The following OIP5 variants were observed in gnomAD, a reference collection of about 807,000 sequenced individuals.
OIP5 encodes the protein Opa interacting protein 5.
OIP5 carries 24 observed loss-of-function variants against 20.3 expected under a neutral mutation model. The ratio of observed to expected loss-of-function variants is 1.18; its 90% CI spans 0.86 to 1.66. The LOEUF (loss-of-function observed/expected upper bound fraction) is 1.66, where lower values mean the gene tolerates loss of function less well. OIP5 is among the 40% of genes most tolerant of loss of function. The probability of loss-of-function intolerance (pLI) is 0.00; values close to 1 mark genes in which losing one functional copy is unlikely to be tolerated. For missense variants in OIP5, 339 were observed against 289.5 expected, an observed-to-expected ratio of 1.17 and a Z score of -1.24; for synonymous variants, 143 against 121.3, an observed-to-expected ratio of 1.18 and a Z score of -1.17.
At chr15:41,325,197 G>A (rs569417312) in intron 2 of OIP5, among the ~76,000 whole-genome samples, 22 of 152,124 alleles carry the variant, frequency 1.4e-4, no homozygotes, top group African/African-American at 4.8e-4. Flanking sequence ...GAGGTCAGGA[G>A]ATCAAGACCA....
chr15:41,311,867 A>G (rs1486463893), intron 4 of OIP5, among the ~76,000 whole-genome samples: 1 of 102,842 alleles, frequency 9.7e-6, no homozygotes, highest in East Asian at 2.0e-4. Flanking sequence ...CACCCAGCCA[A>G]TAAGAATTCT....
rs1355389831 is a variant in OIP5 at position 41,312,084 on chromosome 15, C to A, written c.594+1189G>T. On this transcript the variant is annotated intron_variant, in intron 4 of 4. Transcript: ENST00000220514. ...GGTCAGGCTGGTCTCAAACTCCCGA[C>A]CTGAGGTGATCTGCCTGCCTCAGCC... Among the ~76,000 whole-genome samples, 2 of 132,920 alleles carry A rather than the reference C, an allele frequency of 1.5e-5. 1 individual carries two copies. Among genetic ancestry groups the A allele is most frequent in the Non-Finnish European group, 3.4e-5 (2 of 59,006 alleles). 87.2% of individuals were successfully genotyped at this position (132,920 alleles called of 152,430 possible).
At chr15:41,331,362 C>T (rs534015183) in intron 2 of OIP5, among the ~76,000 whole-genome samples, 7 of 152,138 alleles carry the variant, frequency 4.6e-5, no homozygotes, top group African/African-American at 1.4e-4. Context: ...ACAAACTAAC[C>T]ATAATCGCAA....
chr15:41,317,474 G>A (rs1008930540), intron 3 of OIP5, among the ~76,000 whole-genome samples: 18 of 150,808 alleles, frequency 1.2e-4, no homozygotes, highest in African/African-American at 3.9e-4. Flanking sequence ...CTGACTCCCC[G>A]GTTCAAGTGA....
chr15:41,321,966 GCA>G (rs1479411216), intron 2 of OIP5, among the ~76,000 whole-genome samples: 3 of 151,488 alleles, frequency 2.0e-5, no homozygotes, highest in Non-Finnish European at 2.9e-5. Flanking sequence ...AAAAAAATGC[GCA>G]GACTAAAAGA....
intron 4 of OIP5, among the ~76,000 whole-genome samples, chr15:41,310,547 T>A (rs1235503584): frequency 2.7e-5 from 4 of 149,288 alleles, no homozygotes; most frequent in Admixed American, 6.8e-5. Flanking sequence ...AGAGAATGAG[T>A]GAACCCAGGA....
At chr15:41,329,116 G>A (rs1269333442) in intron 2 of OIP5, among the ~76,000 whole-genome samples, 1 of 145,330 alleles carries the variant, frequency 6.9e-6, no homozygotes, top group Non-Finnish European at 1.5e-5. Context: ...CGAGTCTGCT[G>A]TCTCTAAAAT....
chr15:41,312,235 CACA>C (rs2047760540), intron 4 of OIP5, among the ~76,000 whole-genome samples: 1 of 151,462 alleles, frequency 6.6e-6, no homozygotes, highest in Admixed American at 6.6e-5. Context: ...GATCTTGCCT[CACA>C]ACAACCTCTA....
chr15:41,329,022 C>T (rs2047879821), intron 2 of OIP5, among the ~76,000 whole-genome samples: 2 of 145,084 alleles, frequency 1.4e-5, no homozygotes, highest in Admixed American at 7.0e-5. Flanking sequence ...GCCAAGATCC[C>T]GCCACTGTGC....
At chr15:41,329,315 T>G (rs1204857010) in intron 2 of OIP5, among the ~76,000 whole-genome samples, 1 of 141,928 alleles carries the variant, frequency 7.0e-6, no homozygotes, top group Non-Finnish European at 1.5e-5. Flanking sequence ...TCCCTCTAGT[T>G]TTTTTTTTTT....
intron 2 of OIP5, among the ~76,000 whole-genome samples, chr15:41,327,268 G>A (rs899055942): frequency 6.7e-6 from 1 of 149,134 alleles, no homozygotes; most frequent in Non-Finnish European, 1.5e-5. Context: ...TGCAACCTCC[G>A]CCTCCTGGGT....
rs918809897 is a variant in OIP5 at position 41,330,096 on chromosome 15, A to AT, written c.389+1818dup. 1.1e-3 allele frequency among the ~76,000 whole-genome samples: 161 copies of AT among 146,434 alleles called. 2 individuals are homozygous for AT. Among genetic ancestry groups the AT allele is most frequent in the Non-Finnish European group, 1.9e-3 (126 of 66,132 alleles). On this transcript the variant is annotated intron_variant, in intron 2 of 4. Coordinates refer to ENST00000220514, the MANE Select transcript of OIP5 (RefSeq NM_007280.2). Reference sequence around the variant, plus strand: ...AAAATGTCATTTCACCATGTAATCAATTTTTTTTTTTAAGACAGAGTTTCG... The same window carrying AT: ...AAAATGTCATTTCACCATGTAATCAATTTTTTTTTTTTAAGACAGAGTTTCG...
intron 2 of OIP5, among the ~76,000 whole-genome samples, chr15:41,322,060 C>CA (rs1289275114): frequency 6.6e-6 from 1 of 152,186 alleles, no homozygotes; most frequent in Non-Finnish European, 1.5e-5. Flanking sequence ...GATGAAGAGT[C>CA]AGATGTTGAT....
Position 41,331,528 on chromosome 15 carries a change from T to A in OIP5, c.389+387A>T, listed in dbSNP as rs190913799. Among the ~76,000 whole-genome samples, 11 of 152,326 alleles carry A rather than the reference T, an allele frequency of 7.2e-5. No homozygotes were observed. In the East Asian group the frequency reaches 1.9e-3, roughly 27 times the overall value. The stretch of plus-strand genomic sequence containing the variant: ...TGAGCCAGGAAGGTAGGGGCTGTAG[T>A]GAGCTATGAGCGCACCAGTGCACTC... On this transcript the variant is annotated intron_variant, in intron 2 of 4. Transcript: ENST00000220514.
intron 2 of OIP5, among the ~76,000 whole-genome samples, chr15:41,320,506 C>G (rs1388867324): frequency 6.6e-6 from 1 of 152,200 alleles, no homozygotes; most frequent in Admixed American, 6.5e-5. Flanking sequence ...TCTCCAGCTC[C>G]TAACCGCGAG....
chr15:41,315,114 AAAG>A (rs1430479229), intron 3 of OIP5, among the ~76,000 whole-genome samples: 1 of 151,458 alleles, frequency 6.6e-6, no homozygotes, highest in Non-Finnish European at 1.5e-5. Context: ...AAAAAAAAAA[AAAG>A]AATAAAAAAA....
intron 2 of OIP5, among the ~76,000 whole-genome samples, chr15:41,325,090 C>T (rs1445515319): frequency 6.6e-6 from 1 of 152,122 alleles, no homozygotes; most frequent in Non-Finnish European, 1.5e-5. Flanking sequence ...TCAGTGTTAA[C>T]AGACATAATG....
chr15:41,315,916 A>G (rs2047786183), intron 3 of OIP5, among the ~76,000 whole-genome samples: 1 of 152,122 alleles, frequency 6.6e-6, no homozygotes, highest in Non-Finnish European at 1.5e-5. Context: ...TGGCCAAGGC[A>G]GGAGATCAAG....
At chr15:41,332,120 T>G in intron 1 of OIP5, 120 bp downstream of exon 1, 5 of 1,359,774 alleles carry the variant, frequency 3.7e-6, no homozygotes, top group Non-Finnish European at 5.1e-6. Flanking sequence ...CAAGGAGTTA[T>G]TTGCTTCCAA....
Sources: gnomAD v4.1 joint callset for allele counts (sites outside exome capture counted in the v4.1 genomes callset) on GRCh38, gnomAD v4.1.1 for gene constraint, MANE v1.5 for transcripts, NCBI Gene and HGNC (gene_info 2026-07-23, HGNC 2026-07-21) for gene names.